The following GTF2IRD1 variants were observed in gnomAD, a reference collection of about 807,000 sequenced individuals.
The protein encoded by GTF2IRD1 is GTF2I repeat domain containing 1.
GTF2IRD1 carries 26 observed loss-of-function variants against 113.2 expected under a neutral mutation model. The ratio of observed to expected loss-of-function variants is 0.23; its 90% CI spans 0.17 to 0.32. GTF2IRD1 has a LOEUF of 0.32. Ranked by LOEUF, GTF2IRD1 falls within the 10% of genes least tolerant of loss-of-function variation. The pLI, the probability that GTF2IRD1 is intolerant of heterozygous loss-of-function variation, is 1.00. For missense variants in GTF2IRD1, 864 were observed against 1,280.8 expected, an observed-to-expected ratio of 0.67 and a Z score of 4.97; for synonymous variants, 484 against 529.1, an observed-to-expected ratio of 0.91 and a Z score of 1.17.
At chr7:74,473,649 T>A (rs1794232437) in intron 1 of GTF2IRD1, among the ~76,000 whole-genome samples, 1 of 152,002 alleles carries the variant, frequency 6.6e-6, no homozygotes, top group Non-Finnish European at 1.5e-5. Flanking sequence ...CTTGGTTTAG[T>A]GCCCACTCCT....
intron 2 of GTF2IRD1, 139 bp downstream of exon 2, chr7:74,508,342 G>A (rs782083535): frequency 1.2e-5 from 10 of 844,082 alleles, no homozygotes; most frequent in East Asian, 2.6e-5. Context: ...CTAGGGCCAC[G>A]ATGCCTGCAT....
intron 4 of GTF2IRD1, among the ~76,000 whole-genome samples, chr7:74,517,195 T>C (rs1476945674): frequency 1.3e-5 from 2 of 151,678 alleles, no homozygotes; most frequent in Non-Finnish European, 2.9e-5. Context: ...GGATAATTTT[T>C]ATATTTTTAG....
At chr7:74,484,508 G>A (rs904022046) in intron 1 of GTF2IRD1, among the ~76,000 whole-genome samples, 3 of 150,142 alleles carry the variant, frequency 2.0e-5, no homozygotes, top group African/African-American at 7.4e-5. Context: ...ACCCAGGCTG[G>A]AGCGAAGTGG....
intron 17 of GTF2IRD1, 33 bp downstream of exon 17, chr7:74,547,319 C>T (rs1799002262): frequency 6.5e-7 from 1 of 1,538,728 alleles, no homozygotes; most frequent in African/African-American, 1.4e-5. Flanking sequence ...GGAGACAGCA[C>T]CGGCCCTGCT....
At chr7:74,463,913 G>T (rs1011834740) in intron 1 of GTF2IRD1, among the ~76,000 whole-genome samples, 42 of 151,970 alleles carry the variant, frequency 2.8e-4, no homozygotes, top group African/African-American at 8.2e-4. Flanking sequence ...TAGTAGAGGC[G>T]GAGTTTCACC....
chr7:74,521,180 A>C (rs782643283), intron 6 of GTF2IRD1, 28 bp from the exon 7 acceptor site: 1 of 1,408,374 alleles, frequency 7.1e-7, no homozygotes, highest in East Asian at 2.3e-5. Context: ...TCCCACCTGG[A>C]ACCTTCTTCC....
intron 1 of GTF2IRD1, among the ~76,000 whole-genome samples, chr7:74,481,664 G>T (rs1267396801): frequency 6.6e-6 from 1 of 152,194 alleles, no homozygotes; most frequent in Non-Finnish European, 1.5e-5. Context: ...GTTGGAATCA[G>T]CCTCTGCTGG....
At chr7:74,579,333 G>A (rs1260931069) in intron 22 of GTF2IRD1, among the ~76,000 whole-genome samples, 2 of 151,944 alleles carry the variant, frequency 1.3e-5, no homozygotes, top group East Asian at 3.9e-4. Flanking sequence ...GGAAGAGGAA[G>A]AAGGCCAGGC....
At chr7:74,597,146 G>T (rs1181844349) in intron 25 of GTF2IRD1, among the ~76,000 whole-genome samples, 1 of 151,494 alleles carries the variant, frequency 6.6e-6, no homozygotes, top group African/African-American at 2.4e-5. Context: ...GGGTTCAAGT[G>T]ATTCTCCTGC....
intron 1 of GTF2IRD1, among the ~76,000 whole-genome samples, chr7:74,500,363 G>T (rs888857176): frequency 2.6e-5 from 4 of 151,886 alleles, no homozygotes; most frequent in Non-Finnish European, 5.9e-5. Context: ...TGGGTGGATC[G>T]CTTGGGCTCG....
At chr7:74,489,620 G>A (rs1322632530) in intron 1 of GTF2IRD1, among the ~76,000 whole-genome samples, 4 of 152,192 alleles carry the variant, frequency 2.6e-5, no homozygotes, top group African/African-American at 9.6e-5. Flanking sequence ...TGAGATGACA[G>A]GTGTGAGCCA....
intron 23 of GTF2IRD1, among the ~76,000 whole-genome samples, chr7:74,590,585 G>C (rs1292765294): frequency 6.6e-6 from 1 of 151,264 alleles, no homozygotes; most frequent in Non-Finnish European, 1.5e-5. Context: ...TAGAGACGAG[G>C]TTTTACCGAG....
intron 1 of GTF2IRD1, among the ~76,000 whole-genome samples, chr7:74,461,068 C>T (rs887865404): frequency 6.6e-6 from 1 of 152,210 alleles, no homozygotes; most frequent in Non-Finnish European, 1.5e-5. Context: ...GGAGATGGCT[C>T]TCCCCAACCT....
At chr7:74,523,232 A>G (rs1797393205) in intron 7 of GTF2IRD1, among the ~76,000 whole-genome samples, 1 of 151,904 alleles carries the variant, frequency 6.6e-6, no homozygotes, top group East Asian at 1.9e-4. Flanking sequence ...AAAAGAAAAA[A>G]GGAAAAAACA....
At chr7:74,532,458 G>A (rs141196491) in intron 9 of GTF2IRD1, among the ~76,000 whole-genome samples, 67 of 152,170 alleles carry the variant, frequency 4.4e-4, no homozygotes, top group African/African-American at 1.2e-3. Flanking sequence ...GGAGGCTGAC[G>A]GAGGAGGATC....
intron 22 of GTF2IRD1, chr7:74,572,599 A>T (rs1800758967): frequency 1.0e-6 from 1 of 976,544 alleles, no homozygotes; most frequent in Non-Finnish European, 1.2e-6. Flanking sequence ...GCTGCCCAAG[A>T]CTTGAGAGTC....
In GTF2IRD1 at chr7:74,601,220, T is replaced by C. The variant is rs1333617607; in HGVS notation, c.2766+40T>C. The C allele has an allele frequency of 5.8e-6, 9 of 1,553,938 alleles. No homozygotes were observed. The East Asian group carries it at 9.7e-5, about 17-fold the overall frequency. ...ATTTGGACTCCGGCACTCATCTCTG[T>C]GGCCCTCACCCCTCTGTCTGGCAGG... On this transcript the variant is annotated intron_variant, in intron 26 of 26. Coordinates refer to ENST00000424337, the MANE Select transcript of GTF2IRD1 (RefSeq NM_005685.4).
intron 9 of GTF2IRD1, among the ~76,000 whole-genome samples, chr7:74,533,396 A>T (rs1798090056): frequency 6.6e-6 from 1 of 151,928 alleles, no homozygotes; most frequent in Admixed American, 6.6e-5. Context: ...GGGCTTCCCA[A>T]AGTACTGGGA....
chr7:74,570,130 G>A (rs1394004318), intron 22 of GTF2IRD1, among the ~76,000 whole-genome samples: 6 of 152,138 alleles, frequency 3.9e-5, no homozygotes, highest in Non-Finnish European at 5.9e-5. Flanking sequence ...GGGAGGCTGA[G>A]GCGGGTAGAT....
Sources: allele counts gnomAD v4.1 joint callset (sites outside exome capture counted in the v4.1 genomes callset), GRCh38; gene constraint gnomAD v4.1.1; transcripts MANE v1.5; gene names NCBI Gene and HGNC (gene_info 2026-07-23, HGNC 2026-07-21).